Variants in GSTCD observed in about 807,000 individuals in gnomAD.
The protein encoded by GSTCD is glutathione S-transferase C-terminal domain-containing protein.
GSTCD carries 44 observed loss-of-function variants against 68.3 expected under a neutral mutation model. The observed-to-expected ratio is 0.64, with a 90% CI of 0.51 to 0.83. The LOEUF (loss-of-function observed/expected upper bound fraction) is 0.83. Among genes scored for constraint, GSTCD ranks in the 40% least tolerant of loss-of-function variants. GSTCD has a pLI of 0.00. For missense variants in GSTCD, 739 were observed against 735.9 expected (o/e 1.00, Z -0.05); for synonymous variants, 273 against 255.2 (o/e 1.07, Z -0.67).
intron 2 of GSTCD, 35 bp from the exon 3 acceptor site, chr4:105,719,025 A>C (rs1480726987): frequency 1.4e-6 from 2 of 1,475,874 alleles, no homozygotes; most frequent in East Asian, 4.5e-5. Context: ...AAATTAAAAA[A>C]TCTTTTCATT....
At chr4:105,733,255 C>G (rs142246037) in intron 5 of GSTCD, among the ~76,000 whole-genome samples, 3,268 of 152,108 alleles carry the variant, frequency 0.021, 128 homozygotes, top group African/African-American at 0.075. Flanking sequence ...TGAACTTTCT[C>G]TCTCGTTGAT....
At chr4:105,822,450 T>C (rs1211891416) in intron 5 of GSTCD, among the ~76,000 whole-genome samples, 2 of 152,150 alleles carry the variant, frequency 1.3e-5, no homozygotes, top group East Asian at 3.8e-4. Flanking sequence ...AGTTCAAGGA[T>C]GTGCCAATTA....
chr4:105,811,259 A>G (rs943524594), intron 5 of GSTCD, among the ~76,000 whole-genome samples: 5 of 152,096 alleles, frequency 3.3e-5, no homozygotes, highest in Non-Finnish European at 5.9e-5. Flanking sequence ...ATATCTTTTT[A>G]TATCTCTTTC....
chr4:105,815,272 TGTTCCAAGA>T (rs1722929045), intron 5 of GSTCD: 1 of 152,232 alleles, frequency 6.6e-6, no homozygotes, highest in Admixed American at 6.5e-5. Flanking sequence ...CATATTTCTG[TGTTCCAAGA>T]GCAACCATCT....
At chr4:105,836,384 A>C (rs1325984455) in intron 9 of GSTCD, among the ~76,000 whole-genome samples, 1 of 152,138 alleles carries the variant, frequency 6.6e-6, no homozygotes, top group African/African-American at 2.4e-5. Context: ...TGGTCCACGG[A>C]GCTGGCAGCC....
intron 10 of GSTCD, 31 bp downstream of exon 10, chr4:105,837,920 A>G: frequency 3.3e-6 from 3 of 902,730 alleles, no homozygotes; most frequent in Non-Finnish European, 5.0e-6. Flanking sequence ...ATATCATCCT[A>G]ATACACTTTT....
At chr4:105,816,290 T>A (rs1215471737) in intron 5 of GSTCD, among the ~76,000 whole-genome samples, 1 of 152,144 alleles carries the variant, frequency 6.6e-6, no homozygotes, top group Non-Finnish European at 1.5e-5. Context: ...TCCCAATCTA[T>A]TTTCATTTCT....
At chr4:105,825,826 C>A in intron 8 of GSTCD, 26 bp downstream of exon 8, 3 of 1,368,774 alleles carry the variant, frequency 2.2e-6, no homozygotes, top group Non-Finnish European at 2.1e-6. Flanking sequence ...ATTTCAATTT[C>A]TTTAATTAGC....
intron 5 of GSTCD, among the ~76,000 whole-genome samples, chr4:105,746,072 G>T (rs1364390252): frequency 2.6e-5 from 4 of 152,020 alleles, no homozygotes; most frequent in East Asian, 3.9e-4. Context: ...GGTTAGGGTC[G>T]CTGACTCCCC....
Position 105,834,540 on chromosome 4 carries a change from G to A in GSTCD, c.1610G>A (p.Cys537Tyr), listed in dbSNP as rs772109343. The change falls in exon 9 of 12, where the codon TGC becomes TAC. Residue 537 changes from cysteine (C) to tyrosine (Y), a missense_variant. Transcript: ENST00000515279. ...CIKTRASFVT[C>Y]PCCYGFIQNT... is the part of the protein sequence containing the mutation. ...AAAACACGGGCTTCCTTCGTCACATGCCCTTGCTGTTATGGTTTCATTCAG... is the reference window on the plus strand; with the variant it reads ...AAAACACGGGCTTCCTTCGTCACATACCCTTGCTGTTATGGTTTCATTCAG... 1.9e-6 allele frequency: 3 copies of A among 1,614,110 alleles called. 1 individual carries two copies. In the South Asian group the frequency reaches 3.3e-5, roughly 18 times the overall value.
At chr4:105,829,609 A>G (rs1723814021) in intron 8 of GSTCD, among the ~76,000 whole-genome samples, 1 of 152,136 alleles carries the variant, frequency 6.6e-6, no homozygotes, top group African/African-American at 2.4e-5. Context: ...CTTATTCACT[A>G]TCATGAGAAC....
chr4:105,742,309 A>G (rs1733655917), intron 5 of GSTCD, among the ~76,000 whole-genome samples: 2 of 151,952 alleles, frequency 1.3e-5, no homozygotes, highest in African/African-American at 4.8e-5. Context: ...TACTATTTAC[A>G]TGTCTTTCCT....
intron 5 of GSTCD, among the ~76,000 whole-genome samples, chr4:105,729,963 A>C (rs1733173423): frequency 6.6e-6 from 1 of 151,408 alleles, no homozygotes; most frequent in South Asian, 2.1e-4. Context: ...CTCATTGTTC[A>C]CTTCTCACCT....
intron 5 of GSTCD, among the ~76,000 whole-genome samples, chr4:105,815,755 C>T (rs1400794120): frequency 1.3e-5 from 2 of 152,128 alleles, no homozygotes; most frequent in African/African-American, 4.8e-5. Flanking sequence ...TTAACTTAAG[C>T]CTCTGAAAAA....
intron 5 of GSTCD, among the ~76,000 whole-genome samples, chr4:105,740,955 A>G (rs982068708): frequency 2.0e-5 from 3 of 151,796 alleles, no homozygotes; most frequent in African/African-American, 7.3e-5. Context: ...TTATTCTGAG[A>G]AACCCGCCTA....
At chr4:105,720,860 T>C (rs760857044) in intron 3 of GSTCD, among the ~76,000 whole-genome samples, 1 of 152,222 alleles carries the variant, frequency 6.6e-6, no homozygotes, top group Non-Finnish European at 1.5e-5. Context: ...TCACCAGAAT[T>C]GAATGAAAGT....
In GSTCD at chr4:105,786,206, A is replaced by T. The variant is rs545033995; in HGVS notation, c.1241-36748A>T. Among the ~76,000 whole-genome samples, 427 of 151,178 alleles carry T rather than the reference A, an allele frequency of 2.8e-3. 9 individuals are homozygous for T. The highest frequency in any genetic ancestry group is 0.01 in the African/African-American group (411 of 40,458). On this transcript the variant is annotated intron_variant, in intron 5 of 11. Transcript: ENST00000515279. ...AAATAAAAAATGTAAATTGGACATG[A>T]TCAACATTTTAAAACTTTTAAGGCC... is the stretch of plus-strand genomic sequence containing the variant.
chr4:105,726,822 A>G lies in GSTCD; in HGVS notation c.1138A>G (p.Lys380Glu). 6.2e-7 allele frequency: 1 copy of G among 1,604,872 alleles called. No homozygotes were observed. The highest frequency in any genetic ancestry group is 8.5e-7 in the Non-Finnish European group (1 of 1,176,196). The change falls in exon 4 of 12, where the codon AAG (lysine) becomes GAG (glutamate). Residue 380 changes from lysine to glutamate, a missense_variant. Physicochemically the swap from Lys to Glu is moderately conservative, Grantham distance 56 (BLOSUM62 1). Transcript: ENST00000515279. ...AGGAGGACCAAGACCAACCATGGCCAAGTTAATGGTACTTAATTATTAACA... is the reference window on the plus strand; with the variant it reads ...AGGAGGACCAAGACCAACCATGGCCGAGTTAATGGTACTTAATTATTAACA... ...FIGGPRPTMA[K>E]LMEKGIEVMF...
At chr4:105,780,723 T>C (rs1215168953) in intron 5 of GSTCD, among the ~76,000 whole-genome samples, 2 of 152,202 alleles carry the variant, frequency 1.3e-5, no homozygotes, top group African/African-American at 4.8e-5. Context: ...TAATTTATAA[T>C]TTATATTTGA....
Sources: allele counts gnomAD v4.1 joint callset (sites outside exome capture counted in the v4.1 genomes callset), GRCh38; gene constraint gnomAD v4.1.1; transcripts MANE v1.5; gene names NCBI Gene and HGNC (gene_info 2026-07-23, HGNC 2026-07-21).